Variants in FAM91A1 observed in about 807,000 individuals in gnomAD.
FAM91A1 encodes the protein protein FAM91A1.
FAM91A1 carries 41 observed loss-of-function variants against 113.5 expected under a neutral mutation model. The ratio of observed to expected loss-of-function variants is 0.36; its 90% CI spans 0.28 to 0.47. The LOEUF (loss-of-function observed/expected upper bound fraction) is 0.47. FAM91A1 is among the 20% of genes least tolerant of loss of function. The probability of loss-of-function intolerance (pLI) is 1.00; values close to 1 mark genes in which losing one functional copy is unlikely to be tolerated. For missense variants in FAM91A1, 696 were observed against 1,001.2 expected (o/e 0.70, Z 4.11); for synonymous variants, 307 against 347.9 (o/e 0.88, Z 1.31).
At position 123,810,292 on chromosome 8, in the gene FAM91A1, C is replaced by G; in HGVS notation, c.2272C>G (p.Leu758Val). 2 of 1,606,994 alleles carry G rather than the reference C, an allele frequency of 1.2e-6. No individual in the cohort carries two copies. The highest frequency in any genetic ancestry group is 1.7e-6 in the Non-Finnish European group (2 of 1,178,126). The change falls in exon 23 of 24, where the codon CTC becomes GTC. Residue 758 changes from leucine (L) to valine (V), a missense_variant. By Grantham distance (32) the Leu-to-Val change is conservative. Coordinates refer to ENST00000334705, the MANE Select transcript of FAM91A1 (RefSeq NM_144963.4). ...CTTTTTTTTTTTCAGCCTTCAAAAC[C>G]TCTTACATTCCAGTAGAAAACTCTC... ...GLCRKESLQN[L>V]LHSSRKLSLQ...
chr8:123,809,005 C>T lies in FAM91A1; in HGVS notation c.2250C>T (p.Cys750=). The T allele has an allele frequency of 1.2e-6, 2 of 1,612,078 alleles. No individual in the cohort carries two copies. The highest frequency in any genetic ancestry group is 2.2e-5 in the South Asian group (2 of 90,918). Residue 750 remains cysteine, a synonymous_variant, in exon 22 of 24, where the codon TGC becomes TGT. Transcript: ENST00000334705. ...VCRKIAAHGL[C]RKESLQNLLH... is the part of the protein sequence containing the mutation. ...GGAAAATTGCTGCACATGGCCTTTG[C>T]AGAAAAGAGAGGTGAGGGTTTATAT...
At position 123,813,916 on chromosome 8, in the gene FAM91A1, A is replaced by C. The variant is rs1469099765; in HGVS notation, c.*1212A>C. On this transcript the variant is annotated 3_prime_UTR_variant, in exon 24 of 24. Transcript: ENST00000334705. ...AGACAACATATATCTAAAACACTTA[A>C]AATGTTAGGAAGTTTGGGAATGTTA... 4.7e-6 allele frequency: 1 copy of C among 210,954 alleles called. No individual in the cohort carries two copies. Among genetic ancestry groups the C allele is most frequent in the Non-Finnish European group, 9.5e-6 (1 of 104,776 alleles). 13.1% of individuals were successfully genotyped at this position (210,954 alleles called of 1,614,324 possible).
chr8:123,800,794 C>A (rs1815655007), intron 18 of FAM91A1, among the ~76,000 whole-genome samples: 1 of 152,108 alleles, frequency 6.6e-6, no homozygotes, highest in Non-Finnish European at 1.5e-5. Context: ...TCTTTTGTGA[C>A]TGGCTTCCTT....
intron 12 of FAM91A1, among the ~76,000 whole-genome samples, 181 bp downstream of exon 12, chr8:123,786,791 G>C (rs1293022186): frequency 6.6e-6 from 1 of 152,148 alleles, no homozygotes; most frequent in East Asian, 1.9e-4. Flanking sequence ...ACAAGAATAT[G>C]GTACCTTTCT....
chr8:123,786,690 C>A, intron 12 of FAM91A1, 80 bp downstream of exon 12: 1 of 1,083,022 alleles, frequency 9.2e-7, no homozygotes, highest in Non-Finnish European at 1.4e-6. Flanking sequence ...CAGTTACCTT[C>A]TAATTTTAGT....
chr8:123,812,485 T>C (rs555652568), intron 23 of FAM91A1, 34 bp from the exon 24 acceptor site: 9 of 1,537,154 alleles, frequency 5.9e-6, no homozygotes, highest in Non-Finnish European at 7.9e-6. Context: ...GGTAAAGTGT[T>C]GAATATCATT....
rs1220629941 is a variant in FAM91A1, at chr8:123,774,119, G to T, written c.112G>T (p.Val38Phe). ...NSQREYEKQV[V>F]LYSIRNQLRY... is the part of the protein sequence containing the mutation. Reference sequence around the variant, plus strand: ...ACAGAGAGAATATGAAAAGCAGGTTGTCCTGTACAGTATCCGCAATCAGTT... The same window carrying T: ...ACAGAGAGAATATGAAAAGCAGGTTTTCCTGTACAGTATCCGCAATCAGTT... The change falls in exon 2 of 24, where the codon GTC (valine) becomes TTC (phenylalanine). Residue 38 changes from valine to phenylalanine, a missense_variant. Val to Phe is a conservative substitution (Grantham distance 50, BLOSUM62 -1). Transcript: ENST00000334705. 34 of 1,608,158 alleles carry T rather than the reference G, an allele frequency of 2.1e-5. No homozygotes were observed. The highest frequency in any genetic ancestry group is 2.8e-5 in the Non-Finnish European group (33 of 1,178,040).
chr8:123,812,295 A>G (rs558859075), intron 23 of FAM91A1: 43 of 371,910 alleles, frequency 1.2e-4, no homozygotes, highest in African/African-American at 7.8e-4. Context: ...TCTTATTTCT[A>G]TTTAAAAGGA....
chr8:123,789,784 T>C (rs545940459), intron 15 of FAM91A1, 39 bp downstream of exon 15: 2 of 1,594,372 alleles, frequency 1.3e-6, no homozygotes, highest in South Asian at 2.3e-5. Flanking sequence ...CATGATCATA[T>C]GAAACTTTTT....
chr8:123,791,941 G>A (rs746919818), intron 15 of FAM91A1, among the ~76,000 whole-genome samples: 3 of 152,120 alleles, frequency 2.0e-5, no homozygotes, highest in Non-Finnish European at 2.9e-5. Flanking sequence ...TTGGGAGCTC[G>A]AGGCAGGCGG....
intron 15 of FAM91A1, among the ~76,000 whole-genome samples, chr8:123,792,984 T>A (rs896179426): frequency 6.6e-6 from 1 of 152,134 alleles, no homozygotes; most frequent in Non-Finnish European, 1.5e-5. Flanking sequence ...TTTAAGCTTC[T>A]CTCCTTCTTC....
chr8:123,800,268 A>G (rs987685223), intron 18 of FAM91A1, among the ~76,000 whole-genome samples: 40 of 151,644 alleles, frequency 2.6e-4, no homozygotes, highest in Admixed American at 5.3e-4. Flanking sequence ...CTATATGTAT[A>G]TATATATATA....
chr8:123,788,327 T>G (rs1450666855), intron 14 of FAM91A1: 1 of 806,958 alleles, frequency 1.2e-6, no homozygotes, highest in Admixed American at 6.2e-5. Context: ...TCGGATATTT[T>G]ATTCTGGCCT....
At chr8:123,786,353 TGGGCTGCGAC>T in intron 11 of FAM91A1, 132 bp from the exon 12 acceptor site, 1 of 631,956 alleles carries the variant, frequency 1.6e-6, no homozygotes, top group Admixed American at 2.7e-5. Context: ...AGAGCATTTT[TGGGCTGCGAC>T]TTAATTTTGG....
chr8:123,797,534 G>A (rs1815558595), intron 15 of FAM91A1, among the ~76,000 whole-genome samples: 1 of 152,022 alleles, frequency 6.6e-6, no homozygotes, highest in African/African-American at 2.4e-5. Flanking sequence ...AGACCTTTAT[G>A]ATGATCTACT....
intron 12 of FAM91A1, 83 bp downstream of exon 12, chr8:123,786,693 AT>A: frequency 9.3e-7 from 1 of 1,069,908 alleles, no homozygotes; most frequent in Admixed American, 1.9e-5. Flanking sequence ...TTACCTTCTA[AT>A]TTTAGTTTAG....
intron 18 of FAM91A1, among the ~76,000 whole-genome samples, chr8:123,800,147 A>T (rs1046151108): frequency 2.6e-5 from 4 of 151,638 alleles, no homozygotes; most frequent in Non-Finnish European, 5.9e-5. Flanking sequence ...ATTTTTTTTT[A>T]AATAATAGCT....
At chr8:123,768,867 G>T in intron 1 of FAM91A1, 93 bp downstream of exon 1, 1 of 1,274,328 alleles carries the variant, frequency 7.8e-7, no homozygotes, top group Non-Finnish European at 1.1e-6. Flanking sequence ...GCGGGCTGCT[G>T]CCGGCTGACT....
At chr8:123,793,162 C>G (rs1445369705) in intron 15 of FAM91A1, among the ~76,000 whole-genome samples, 1 of 152,174 alleles carries the variant, frequency 6.6e-6, no homozygotes, top group Non-Finnish European at 1.5e-5. Context: ...TCCATCTACC[C>G]TTCATTGGTG....
Sources: gnomAD v4.1 joint callset for allele counts (sites outside exome capture counted in the v4.1 genomes callset) on GRCh38, gnomAD v4.1.1 for gene constraint, MANE v1.5 for transcripts, NCBI Gene and HGNC (gene_info 2026-07-23, HGNC 2026-07-21) for gene names.